ESR1: variants seen among roughly 807,000 people sequenced by gnomAD.
ESR1 encodes estrogen receptor.
Under a neutral mutation model 52.7 loss-of-function variants are expected in ESR1, and 12 were observed. The ratio of observed to expected loss-of-function variants is 0.23; its 90% CI spans 0.15 to 0.37. The LOEUF is 0.37. Among genes scored for constraint, ESR1 ranks in the 10% least tolerant of loss-of-function variants. The pLI is 1.00. For missense variants in ESR1, 584 were observed against 779.7 expected (o/e 0.75, Z 2.99); for synonymous variants, 305 against 316.8 (o/e 0.96, Z 0.39).
At chr6:151,966,156 G>A (rs1258768922) in intron 4 of ESR1, among the ~76,000 whole-genome samples, 1 of 152,146 alleles carries the variant, frequency 6.6e-6, no homozygotes, top group Non-Finnish European at 1.5e-5. Context: ...GTTTGACAGA[G>A]TATCAAATTC....
chr6:151,900,418 C>G (rs996972441), intron 3 of ESR1, among the ~76,000 whole-genome samples: 5 of 152,174 alleles, frequency 3.3e-5, no homozygotes, highest in Admixed American at 2.0e-4. Flanking sequence ...GCTTAACAAT[C>G]GACCTTCTGA....
At chr6:152,062,157 G>A (rs1290598300) in intron 6 of ESR1, among the ~76,000 whole-genome samples, 1 of 152,086 alleles carries the variant, frequency 6.6e-6, no homozygotes, top group East Asian at 1.9e-4. Context: ...CTCTTTCCAC[G>A]TGTTTTTGTC....
chr6:151,937,867 A>G (rs969571096), intron 3 of ESR1, among the ~76,000 whole-genome samples: 1 of 152,190 alleles, frequency 6.6e-6, no homozygotes, highest in African/African-American at 2.4e-5. Context: ...TGAGCATGGT[A>G]GTTAATCTGA....
intron 2 of ESR1, among the ~76,000 whole-genome samples, chr6:151,863,953 A>C (rs1186553069): frequency 3.9e-5 from 6 of 152,332 alleles, no homozygotes; most frequent in Admixed American, 3.9e-4. Context: ...AAAACCATAA[A>C]AACCCTAGAA....
chr6:151,986,241 A>G (rs868431630), intron 4 of ESR1, among the ~76,000 whole-genome samples: 9 of 152,150 alleles, frequency 5.9e-5, no homozygotes, highest in African/African-American at 1.7e-4. Flanking sequence ...AGAAAAATCA[A>G]ATTCAAGAGG....
chr6:151,985,868 A>G (rs2040437788), intron 4 of ESR1, among the ~76,000 whole-genome samples: 1 of 151,912 alleles, frequency 6.6e-6, no homozygotes, highest in Non-Finnish European at 1.5e-5. Context: ...GGGTTTCACC[A>G]CGTTGGCCCA....
intron 5 of ESR1, among the ~76,000 whole-genome samples, chr6:152,048,775 G>A (rs1404296473): frequency 6.6e-6 from 1 of 152,212 alleles, no homozygotes; most frequent in Non-Finnish European, 1.5e-5. Context: ...TTACGGAGAA[G>A]ATGAAGTATT....
chr6:151,720,994 C>G (rs1271850637), intron 2 of ESR1, among the ~76,000 whole-genome samples: 1 of 152,190 alleles, frequency 6.6e-6, no homozygotes, highest in Non-Finnish European at 1.5e-5. Context: ...ATCAACACAA[C>G]ATATCTCCTA....
rs553401209 is a variant in ESR1, at chr6:152,108,899, T to C, written c.851-16367T>C. Among the ~76,000 whole-genome samples, 6 of 152,290 alleles carry C rather than the reference T, an allele frequency of 3.9e-5. No individual in the cohort carries two copies. In the East Asian group the frequency reaches 1.2e-3, roughly 29 times the overall value. Reference sequence around the variant, plus strand: ...CTACAAAGAAATACCTGAGCCTGGGTAATTTATAAAGAAAAGAGGTTTAAT... The same window carrying C: ...CTACAAAGAAATACCTGAGCCTGGGCAATTTATAAAGAAAAGAGGTTTAAT... On this transcript the variant is annotated intron_variant, in intron 6 of 6. Coordinates refer to the ESR1 transcript ENST00000427531.
intron 3 of ESR1, among the ~76,000 whole-genome samples, chr6:151,881,934 T>A (rs1793002748): frequency 6.7e-6 from 1 of 150,158 alleles, no homozygotes; most frequent in Non-Finnish European, 1.5e-5. Flanking sequence ...ATAAATAAAG[T>A]AACGGATTCA....
At chr6:151,806,381 T>C (rs1398186397), upstream of ESR1, among the ~76,000 whole-genome samples, 1 of 151,884 alleles carries the variant, frequency 6.6e-6, no homozygotes, top group African/African-American at 2.4e-5. Flanking sequence ...AGATACTCTG[T>C]TGGGTGTTTG....
intron 6 of ESR1, among the ~76,000 whole-genome samples, chr6:152,087,534 C>A (rs1195745154): frequency 6.6e-6 from 1 of 152,138 alleles, no homozygotes; most frequent in Non-Finnish European, 1.5e-5. Context: ...GATATCATAA[C>A]CCTCTTTTAT....
At position 152,098,093 on chromosome 6, in the gene ESR1, C is replaced by T. The variant is rs1009633196; in HGVS notation, c.1554-639C>T. 6.6e-6 allele frequency among the ~76,000 whole-genome samples: 1 copy of T among 152,028 alleles called. No homozygotes were observed. The highest frequency in any genetic ancestry group is 6.6e-5 in the Admixed American group (1 of 15,262). The stretch of plus-strand genomic sequence containing the variant: ...AACAGCAAGTGTAGGTCCCCTAAGT[C>T]TTGGGGGAGCTTAGTTCCTTTAAGG... On this transcript the variant is annotated intron_variant, in intron 7 of 7. Transcript: ENST00000206249. The surrounding 1 kb of genome is among the most constrained non-coding windows in gnomAD (Gnocchi z 5.1).
chr6:151,836,377 G>T (rs1259048009), intron 1 of ESR1, among the ~76,000 whole-genome samples: 4 of 152,094 alleles, frequency 2.6e-5, no homozygotes, highest in Non-Finnish European at 5.9e-5. Context: ...GTCTTACATG[G>T]CAATAGAGTG....
At chr6:151,711,731 G>A (rs1003794445) in intron 2 of ESR1, among the ~76,000 whole-genome samples, 34 of 151,900 alleles carry the variant, frequency 2.2e-4, no homozygotes, top group African/African-American at 6.8e-4. Flanking sequence ...ATTTGTTTAA[G>A]TTCTTGTAGA....
chr6:152,103,801 AC>A (rs1246677082), downstream of ESR1, among the ~76,000 whole-genome samples: 1 of 151,744 alleles, frequency 6.6e-6, no homozygotes, highest in African/African-American at 2.4e-5. Context: ...GTCCACCCCC[AC>A]CCCAGGTTTC....
chr6:151,899,389 G>A lies in ESR1; in HGVS notation c.760+18618G>A, dbSNP rs866683111. Among the ~76,000 whole-genome samples, 738 of 130,756 alleles carry A rather than the reference G, an allele frequency of 5.6e-3. 10 individuals carry two copies. The highest frequency in any genetic ancestry group is 0.021 in the African/African-American group (660 of 31,440). The allele number at this position is 130,756 out of a possible 152,430, so 85.8% of individuals were successfully genotyped here. On this transcript the variant is annotated intron_variant, in intron 3 of 7. Transcript: ENST00000206249. The stretch of plus-strand genomic sequence containing the variant: ...TCCTTCCCGGACGGGGCGGCTGGCC[G>A]GGCAGAGGGGCTCCTCACTTCCCAG...
chr6:151,772,964 C>T (rs980273629), intron 2 of ESR1, among the ~76,000 whole-genome samples: 2 of 152,186 alleles, frequency 1.3e-5, no homozygotes, highest in Non-Finnish European at 2.9e-5. Flanking sequence ...ATCTTAAAAT[C>T]TCTCTGTTAT....
At chr6:151,788,376 G>A (rs1195174456) in intron 2 of ESR1, among the ~76,000 whole-genome samples, 3 of 152,196 alleles carry the variant, frequency 2.0e-5, no homozygotes, top group Non-Finnish European at 4.4e-5. Flanking sequence ...GATCATTAGA[G>A]AAATGCAAAT....
Sources: allele counts gnomAD v4.1 joint callset (sites outside exome capture counted in the v4.1 genomes callset), GRCh38; gene constraint gnomAD v4.1.1; non-coding constraint Gnocchi (gnomAD v3.1); transcripts MANE v1.5; gene names NCBI Gene and HGNC (gene_info 2026-07-23, HGNC 2026-07-21).